LRRC7: variants seen among roughly 807,000 people sequenced by gnomAD.
The protein encoded by LRRC7 is leucine rich repeat containing 7, also known as leucine-rich repeat-containing protein 7.
A neutral mutation model predicts 175.7 loss-of-function variants in LRRC7; 23 were observed. The observed-to-expected ratio is 0.13, with a 90% CI of 0.09 to 0.19. The LOEUF is 0.19. Ranked by LOEUF, LRRC7 falls within the 10% of genes least tolerant of loss-of-function variation. The pLI, the probability that LRRC7 is intolerant of heterozygous loss-of-function variation, is 1.00. For synonymous variants in LRRC7, 685 were observed against 680.9 expected (o/e 1.01, Z -0.09); for missense variants, 1,354 against 1,904.7 (o/e 0.71, Z 5.38).
At chr1:69,881,896 A>G (rs562267327) in intron 7 of LRRC7, among the ~76,000 whole-genome samples, 1 of 151,732 alleles carries the variant, frequency 6.6e-6, no homozygotes, top group African/African-American at 2.4e-5. Flanking sequence ...AAAAAAAAAA[A>G]AAAAAGAACA....
intron 13 of LRRC7, among the ~76,000 whole-genome samples, chr1:70,013,824 A>G (rs897483909): frequency 6.6e-6 from 1 of 152,050 alleles, no homozygotes; most frequent in African/African-American, 2.4e-5. Flanking sequence ...CAACTAGGCA[A>G]TTGATAATAA....
At chr1:70,028,103 T>C (rs1410648394) in intron 17 of LRRC7, 68 bp from the exon 18 acceptor site, 14 of 1,307,746 alleles carry the variant, frequency 1.1e-5, no homozygotes, top group African/African-American at 2.9e-5. Context: ...GAATATAAAA[T>C]GGGATAGTTT....
chr1:69,722,171 G>A (rs1374752946), intron 2 of LRRC7, among the ~76,000 whole-genome samples: 3 of 151,702 alleles, frequency 2.0e-5, no homozygotes, highest in African/African-American at 7.3e-5. Flanking sequence ...CTTTTCCATA[G>A]AAATTGTAGC....
chr1:69,889,263 C>T (rs1243628091), intron 7 of LRRC7, among the ~76,000 whole-genome samples: 1 of 152,068 alleles, frequency 6.6e-6, no homozygotes, highest in African/African-American at 2.4e-5. Context: ...AAGTTTGCTG[C>T]ATTGATTGAC....
chr1:69,610,272 T>C (rs2100245991), intron 1 of LRRC7, among the ~76,000 whole-genome samples: 1 of 152,230 alleles, frequency 6.6e-6, no homozygotes, highest in East Asian at 1.9e-4. Context: ...TTTTCTCCTG[T>C]GAACTGATGG....
At chr1:69,897,190 G>A (rs1646004259) in intron 7 of LRRC7, among the ~76,000 whole-genome samples, 1 of 152,140 alleles carries the variant, frequency 6.6e-6, no homozygotes, top group Non-Finnish European at 1.5e-5. Flanking sequence ...CACATTGCTA[G>A]TAAGTGACAG....
intron 1 of LRRC7, among the ~76,000 whole-genome samples, chr1:69,649,334 T>C (rs1049233419): frequency 2.0e-5 from 3 of 152,198 alleles, no homozygotes; most frequent in East Asian, 1.9e-4. Context: ...CTTATTTTTT[T>C]CCCTCAATTT....
At chr1:69,990,324 A>T (rs1371695198) in intron 10 of LRRC7, among the ~76,000 whole-genome samples, 2 of 152,100 alleles carry the variant, frequency 1.3e-5, no homozygotes, top group African/African-American at 4.8e-5. Flanking sequence ...GCAGAAGGGC[A>T]AAAGTAGAGA....
chr1:69,894,057 A>G (rs1269578972), intron 7 of LRRC7, among the ~76,000 whole-genome samples: 1 of 152,200 alleles, frequency 6.6e-6, no homozygotes, highest in Non-Finnish European at 1.5e-5. Context: ...TAGATCAACA[A>G]AGAGAAATAA....
At chr1:69,724,415 G>T (rs1205183753) in intron 2 of LRRC7, among the ~76,000 whole-genome samples, 1 of 152,150 alleles carries the variant, frequency 6.6e-6, no homozygotes, top group Non-Finnish European at 1.5e-5. Flanking sequence ...AAATGTGACA[G>T]CAGTTTGAGA....
chr1:69,609,541 T>A (rs1007663227), intron 1 of LRRC7, among the ~76,000 whole-genome samples: 6 of 152,068 alleles, frequency 3.9e-5, no homozygotes, highest in Non-Finnish European at 8.8e-5. Flanking sequence ...AGATATCTTG[T>A]TAATATGTGT....
intron 3 of LRRC7, among the ~76,000 whole-genome samples, chr1:69,762,268 T>A (rs530779041): frequency 1.3e-5 from 2 of 152,162 alleles, no homozygotes. Context: ...TTATTTAATA[T>A]CCATTCTACT....
chr1:69,949,566 TA>T (rs1649703584), intron 8 of LRRC7, among the ~76,000 whole-genome samples: 4 of 151,098 alleles, frequency 2.6e-5, no homozygotes, highest in African/African-American at 9.7e-5. Flanking sequence ...CAAAGAAAAA[TA>T]GAGAGAGAGA....
At chr1:69,896,527 T>G (rs1038334474) in intron 7 of LRRC7, among the ~76,000 whole-genome samples, 6 of 152,248 alleles carry the variant, frequency 3.9e-5, no homozygotes, top group African/African-American at 1.4e-4. Flanking sequence ...ATAGGTATCT[T>G]ATACATGGAT....
At chr1:69,857,545 G>A (rs528504332) in intron 7 of LRRC7, among the ~76,000 whole-genome samples, 87 of 152,018 alleles carry the variant, frequency 5.7e-4, no homozygotes, top group Admixed American at 9.2e-4. Context: ...TAGGAATCCA[G>A]CTTACAAGGG....
intron 22 of LRRC7, among the ~76,000 whole-genome samples, chr1:70,049,057 C>T (rs1558025649): frequency 6.6e-6 from 1 of 152,074 alleles, no homozygotes; most frequent in East Asian, 1.9e-4. Flanking sequence ...CATACCATAG[C>T]ATCCACTGCT....
intron 8 of LRRC7, among the ~76,000 whole-genome samples, chr1:69,960,159 G>C (rs1650904079): frequency 6.6e-6 from 1 of 152,018 alleles, no homozygotes; most frequent in Non-Finnish European, 1.5e-5. Context: ...CTCAATTTCA[G>C]AACTCATTAT....
intron 3 of LRRC7, among the ~76,000 whole-genome samples, chr1:69,763,185 G>A (rs1671229523): frequency 6.6e-6 from 1 of 152,022 alleles, no homozygotes; most frequent in Non-Finnish European, 1.5e-5. Context: ...AAATAGGTTT[G>A]ATTGGCTCTC....
At chr1:69,632,162 C>T (rs1347394943) in intron 1 of LRRC7, among the ~76,000 whole-genome samples, 1 of 152,122 alleles carries the variant, frequency 6.6e-6, no homozygotes, top group African/African-American at 2.4e-5. Context: ...CCATGCATTT[C>T]TTCCTGTGGC....
Sources: allele counts gnomAD v4.1 joint callset (sites outside exome capture counted in the v4.1 genomes callset), GRCh38; gene constraint gnomAD v4.1.1; transcripts MANE v1.5; gene names NCBI Gene and HGNC (gene_info 2026-07-23, HGNC 2026-07-21).